PLD5: variants seen among roughly 807,000 people sequenced by gnomAD.
The protein encoded by PLD5 is phospholipase D family member 5.
Under a neutral mutation model 61.1 loss-of-function variants are expected in PLD5, and 36 were observed. The ratio of observed to expected loss-of-function variants is 0.59; its 90% CI spans 0.45 to 0.78. The LOEUF is 0.78. PLD5 is among the 30% of genes least tolerant of loss of function. The pLI is 0.00. For missense variants in PLD5, 515 were observed against 644.4 expected (o/e 0.80, Z 2.17); for synonymous variants, 243 against 242.8 (o/e 1.00, Z -0.01).
At chr1:242,130,550 A>G (rs1342035826) in intron 5 of PLD5, among the ~76,000 whole-genome samples, 2 of 152,194 alleles carry the variant, frequency 1.3e-5, no homozygotes, top group Non-Finnish European at 2.9e-5. Flanking sequence ...GGTTGTATTA[A>G]CTTACATTCC....
chr1:242,327,437 T>A lies in PLD5; in HGVS notation c.326+20669A>T, dbSNP rs751181596. Among the ~76,000 whole-genome samples the A allele has an allele frequency of 1.4e-3, 217 of 152,356 alleles. 1 individual carries two copies. The highest frequency in any genetic ancestry group is 3.5e-4 in the Non-Finnish European group (24 of 68,028). ...TTCTTTACTGACTGCTATTTCAAAC[T>A]TAAAATATAGTGAGCTGCAATTCCT... On this transcript the variant is annotated intron_variant, in intron 2 of 9. Transcript: ENST00000536534.
At chr1:242,449,901 C>A (rs142499610) in intron 1 of PLD5, among the ~76,000 whole-genome samples, 318 of 152,298 alleles carry the variant, frequency 2.1e-3, no homozygotes, top group Non-Finnish European at 2.9e-3. Flanking sequence ...GCTCGGTCAT[C>A]GGTGGGTGTT....
chr1:242,413,296 C>T (rs1198664964), intron 1 of PLD5, among the ~76,000 whole-genome samples: 1 of 151,436 alleles, frequency 6.6e-6, no homozygotes, highest in Non-Finnish European at 1.5e-5. Flanking sequence ...AACCCTTTGT[C>T]GTCATGATCT....
intron 2 of PLD5, among the ~76,000 whole-genome samples, chr1:242,308,071 T>TATGTA (rs1170448999): frequency 6.6e-6 from 1 of 152,232 alleles, no homozygotes; most frequent in Non-Finnish European, 1.5e-5. Flanking sequence ...TTCTTATAAA[T>TATGTA]ATGTAAATAT....
intron 1 of PLD5, among the ~76,000 whole-genome samples, chr1:242,515,628 A>T (rs1197635861): frequency 2.6e-5 from 4 of 152,222 alleles, no homozygotes; most frequent in African/African-American, 4.8e-5. Flanking sequence ...CAATAGATAT[A>T]TATAAAATCT....
chr1:242,466,368 G>T (rs1487174979), intron 1 of PLD5, among the ~76,000 whole-genome samples: 1 of 152,126 alleles, frequency 6.6e-6, no homozygotes, highest in Middle Eastern at 3.2e-3. Context: ...ATTAATAATA[G>T]TGACTGCTAG....
intron 4 of PLD5, among the ~76,000 whole-genome samples, chr1:242,254,778 A>T (rs1292978089): frequency 6.6e-6 from 1 of 152,238 alleles, no homozygotes; most frequent in African/African-American, 2.4e-5. Flanking sequence ...GGTCGGGGCC[A>T]CAAAAGTACC....
At chr1:242,162,578 T>TA (rs773598049) in intron 5 of PLD5, among the ~76,000 whole-genome samples, 6 of 152,046 alleles carry the variant, frequency 3.9e-5, no homozygotes, top group African/African-American at 1.5e-4. Context: ...CTTAATGTAT[T>TA]AAAAAAAATT....
At chr1:242,376,319 C>A (rs1463974699) in intron 1 of PLD5, among the ~76,000 whole-genome samples, 1 of 152,152 alleles carries the variant, frequency 6.6e-6, no homozygotes, top group Non-Finnish European at 1.5e-5. Flanking sequence ...AAACACCCTT[C>A]GGCGTGGCCT....
At chr1:242,501,637 A>T (rs1668557921) in intron 1 of PLD5, among the ~76,000 whole-genome samples, 3 of 152,204 alleles carry the variant, frequency 2.0e-5, no homozygotes, top group Non-Finnish European at 4.4e-5. Context: ...ATTCATAGAC[A>T]TAAAAGACTC....
rs566514953 is a variant in PLD5, at chr1:242,496,031, G to A, written c.189+28057C>T. Among the ~76,000 whole-genome samples the A allele has an allele frequency of 6.0e-4, 91 of 152,318 alleles. 1 individual carries two copies. The highest frequency in any genetic ancestry group is 2.1e-3 in the African/African-American group (88 of 41,574). ...TTATTACCAGAACTTAAATTCAAAT[G>A]TTCCCTTTTGCTTTAGCAATTATCA... is the stretch of plus-strand genomic sequence containing the variant. On this transcript the variant is annotated intron_variant, in intron 1 of 9. Transcript: ENST00000536534.
upstream of PLD5, among the ~76,000 whole-genome samples, chr1:242,526,530 G>A (rs986947111): frequency 6.6e-6 from 1 of 152,162 alleles, no homozygotes; most frequent in South Asian, 2.1e-4. Context: ...CCGCCTCCCG[G>A]GTTCAAGCGA....
At chr1:242,268,912 G>A (rs1673878844) in intron 3 of PLD5, among the ~76,000 whole-genome samples, 1 of 151,906 alleles carries the variant, frequency 6.6e-6, no homozygotes, top group Admixed American at 6.6e-5. Flanking sequence ...ATGTGATCTC[G>A]GCTCACTGCA....
Position 242,085,112 on chromosome 1 carries a change from A to G in PLD5, c.*4742T>C, listed in dbSNP as rs1659392529. 6.6e-6 allele frequency: 1 copy of G among 152,190 alleles called. No homozygotes were observed. 9.4% of individuals were successfully genotyped at this position (152,190 alleles called of 1,614,324 possible). A position where few individuals can be genotyped will look rare whatever the true frequency, so the allele number is the denominator to read the frequency against. ...TAAGGTTAATAATATAGATATGTCCAGGTACAAGTTTATCCTATTTACATA... is the reference window on the plus strand; with the variant it reads ...TAAGGTTAATAATATAGATATGTCCGGGTACAAGTTTATCCTATTTACATA... On this transcript the variant is annotated 3_prime_UTR_variant, in exon 10 of 10. Transcript: ENST00000536534.
At chr1:242,371,215 A>G (rs1558504231) in intron 1 of PLD5, among the ~76,000 whole-genome samples, 1 of 152,134 alleles carries the variant, frequency 6.6e-6, no homozygotes, top group Non-Finnish European at 1.5e-5. Flanking sequence ...GAACACACAC[A>G]CGCACACACT....
At chr1:242,264,277 C>A (rs989739582) in intron 4 of PLD5, among the ~76,000 whole-genome samples, 1 of 152,108 alleles carries the variant, frequency 6.6e-6, no homozygotes, top group African/African-American at 2.4e-5. Flanking sequence ...TCTGCTGCAC[C>A]CAAGTAGCAC....
In PLD5 at chr1:242,250,510, TA is replaced by T. The variant is rs551537633; in HGVS notation, c.607+14826del. On this transcript the variant is annotated intron_variant, in intron 4 of 9. Coordinates refer to ENST00000536534, the MANE Select transcript of PLD5 (RefSeq NM_001372062.1). Reference sequence around the variant, plus strand: ...CTCTGCTGCCATTTGAGTTCCATATTATTTTTTTTAACCAATTCTATTTCTA... The same window carrying T: ...CTCTGCTGCCATTTGAGTTCCATATTTTTTTTTTAACCAATTCTATTTCTA... Among the ~76,000 whole-genome samples, 709 of 152,106 alleles carry T rather than the reference TA, an allele frequency of 4.7e-3. 11 individuals are homozygous for T. The highest frequency in any genetic ancestry group is 6.3e-3 in the Non-Finnish European group (430 of 68,022).
chr1:242,366,654 G>C (rs1661357665), intron 1 of PLD5, among the ~76,000 whole-genome samples: 1 of 151,790 alleles, frequency 6.6e-6, no homozygotes, highest in Non-Finnish European at 1.5e-5. Context: ...ACCTTTAGTG[G>C]CAAAACCCAC....
chr1:242,377,756 T>C (rs938020603), intron 1 of PLD5, among the ~76,000 whole-genome samples: 13 of 152,122 alleles, frequency 8.5e-5, no homozygotes, highest in Non-Finnish European at 1.9e-4. Context: ...CACAAATGAT[T>C]AATAAGCACA....
Sources: gnomAD v4.1 joint callset for allele counts (sites outside exome capture counted in the v4.1 genomes callset) on GRCh38, gnomAD v4.1.1 for gene constraint, MANE v1.5 for transcripts, NCBI Gene and HGNC (gene_info 2026-07-23, HGNC 2026-07-21) for gene names.